The following KIF6 variants were observed in gnomAD, a reference collection of about 807,000 sequenced individuals.
KIF6 encodes kinesin family member 6, also known as kinesin-like protein KIF6.
A neutral mutation model predicts 112.7 loss-of-function variants in KIF6; 106 were observed. That is an observed-to-expected ratio of 0.94 (90% confidence interval 0.80 to 1.11). The LOEUF is 1.11. Among genes scored for constraint, KIF6 ranks in the 50% least tolerant of loss-of-function variants. The probability of loss-of-function intolerance (pLI) is 0.00; values close to 1 mark genes in which losing one functional copy is unlikely to be tolerated. For synonymous variants in KIF6, 339 were observed against 339.9 expected (o/e 1.00, Z 0.03); for missense variants, 929 against 964.0 (o/e 0.96, Z 0.48).
At chr6:39,542,065 C>T (rs1026984813) in intron 12 of KIF6, among the ~76,000 whole-genome samples, 11 of 152,066 alleles carry the variant, frequency 7.2e-5, no homozygotes, top group Non-Finnish European at 1.5e-4. Flanking sequence ...AAATGAGGTC[C>T]GTGGGGGAGG....
At chr6:39,692,837 T>G (rs565577255) in intron 3 of KIF6, among the ~76,000 whole-genome samples, 8 of 152,342 alleles carry the variant, frequency 5.3e-5, no homozygotes, top group Admixed American at 1.3e-4. Context: ...CCTCCATATT[T>G]TTTTTTCATT....
chr6:39,607,455 T>A (rs537945366), intron 6 of KIF6, among the ~76,000 whole-genome samples: 1 of 152,268 alleles, frequency 6.6e-6, no homozygotes, highest in Admixed American at 6.5e-5. Context: ...TGCTCAAAAT[T>A]AAAGTTTCTT....
intron 3 of KIF6, among the ~76,000 whole-genome samples, chr6:39,695,825 T>G (rs1027350145): frequency 6.6e-6 from 1 of 152,148 alleles, no homozygotes; most frequent in African/African-American, 2.4e-5. Flanking sequence ...CAAATCATTC[T>G]ACCAAAAAGA....
At chr6:39,719,035 A>T (rs1790041492) in intron 2 of KIF6, among the ~76,000 whole-genome samples, 1 of 152,048 alleles carries the variant, frequency 6.6e-6, no homozygotes, top group African/African-American at 2.4e-5. Flanking sequence ...TAAAAAGAAA[A>T]AGGCCAGATA....
intron 16 of KIF6, among the ~76,000 whole-genome samples, chr6:39,366,559 G>C (rs963852968): frequency 3.3e-5 from 5 of 152,184 alleles, no homozygotes; most frequent in Non-Finnish European, 7.3e-5. Context: ...TGCCATGCTA[G>C]GTAGGGTGGG....
intron 13 of KIF6, among the ~76,000 whole-genome samples, chr6:39,463,431 T>C (rs1330181706): frequency 6.6e-6 from 1 of 152,218 alleles, no homozygotes; most frequent in African/African-American, 2.4e-5. Context: ...TGTAGGACAT[T>C]TGAATATTTC....
rs116476134 is a variant in KIF6, at chr6:39,338,986, T to C, written c.2429-2438A>G. ...GGGCCTGGGAAGAAATGCTACAGAA[T>C]AGGGGGGAGAGCACGCTCTGCCCCA... is the stretch of plus-strand genomic sequence containing the variant. On this transcript the variant is annotated intron_variant, in intron 22 of 22. Coordinates refer to ENST00000287152, the MANE Select transcript of KIF6 (RefSeq NM_145027.6). 2.2e-3 allele frequency among the ~76,000 whole-genome samples: 336 copies of C among 152,086 alleles called. 2 individuals are homozygous for C. Among genetic ancestry groups the C allele is most frequent in the African/African-American group, 7.7e-3 (318 of 41,502 alleles).
intron 13 of KIF6, among the ~76,000 whole-genome samples, chr6:39,453,925 C>CT (rs1772864527): frequency 6.6e-6 from 1 of 152,198 alleles, no homozygotes; most frequent in African/African-American, 2.4e-5. Context: ...CCCTTACTGA[C>CT]TACTACACTG....
intron 15 of KIF6, among the ~76,000 whole-genome samples, chr6:39,409,182 T>G (rs1769302256): frequency 6.6e-6 from 1 of 152,186 alleles, no homozygotes; most frequent in East Asian, 1.9e-4. Flanking sequence ...CTACGGTCTG[T>G]GCTTAGATAC....
chr6:39,415,162 G>C (rs1274317316), intron 15 of KIF6, among the ~76,000 whole-genome samples: 1 of 152,082 alleles, frequency 6.6e-6, no homozygotes, highest in Non-Finnish European at 1.5e-5. Flanking sequence ...ACTCCAGCCT[G>C]GATGACAGAG....
At chr6:39,591,869 T>C (rs6650993) in intron 7 of KIF6, among the ~76,000 whole-genome samples, 2,151 of 152,164 alleles carry the variant, frequency 0.014, 49 homozygotes, top group African/African-American at 0.049. Context: ...TCCCAGCACT[T>C]TGGGAGGCTG....
In KIF6 at chr6:39,648,018, T is replaced by C. The variant is rs377242267; in HGVS notation, c.252-8261A>G. ...GAGCCACCAAGCCCAGCTAATGTTT[T>C]TTAACTTTCTTTTTTTTTTTTTTGA... On this transcript the variant is annotated intron_variant, in intron 3 of 22. Coordinates refer to ENST00000287152, the MANE Select transcript of KIF6 (RefSeq NM_145027.6). Among the ~76,000 whole-genome samples, 81 of 148,704 alleles carry C rather than the reference T, an allele frequency of 5.4e-4. 1 individual carries two copies. In the South Asian group the frequency reaches 0.012, roughly 22 times the overall value.
intron 10 of KIF6, among the ~76,000 whole-genome samples, chr6:39,557,094 T>C (rs1779744792): frequency 6.6e-6 from 1 of 152,116 alleles, no homozygotes; most frequent in East Asian, 1.9e-4. Context: ...TATATGATTA[T>C]ATACATAGAT....
intron 13 of KIF6, among the ~76,000 whole-genome samples, chr6:39,512,818 T>C (rs1287819846): frequency 6.6e-6 from 1 of 152,134 alleles, no homozygotes; most frequent in Non-Finnish European, 1.5e-5. Flanking sequence ...AATTGACTGA[T>C]TATGAGGATC....
At chr6:39,409,893 C>T (rs1265875764) in intron 15 of KIF6, among the ~76,000 whole-genome samples, 1 of 152,228 alleles carries the variant, frequency 6.6e-6, no homozygotes, top group African/African-American at 2.4e-5. Context: ...TGACAAAACC[C>T]TCTTCCCCAC....
chr6:39,406,806 TGGCACAATCATAGC>T (rs1233529093), intron 15 of KIF6, among the ~76,000 whole-genome samples: 2 of 152,224 alleles, frequency 1.3e-5, no homozygotes, highest in African/African-American at 4.8e-5. Context: ...TGGAATGCAG[TGGCACAATCATAGC>T]TCACTGTAGC....
chr6:39,670,731 G>A (rs1786765717), intron 3 of KIF6, among the ~76,000 whole-genome samples: 2 of 152,112 alleles, frequency 1.3e-5, no homozygotes, highest in Non-Finnish European at 2.9e-5. Flanking sequence ...CTCAAAAAGT[G>A]CTCTAGGTGT....
At chr6:39,681,860 T>C (rs535814029) in intron 3 of KIF6, among the ~76,000 whole-genome samples, 1 of 152,330 alleles carries the variant, frequency 6.6e-6, no homozygotes, top group African/African-American at 2.4e-5. Flanking sequence ...ATTGGCATTA[T>C]GTACAAATCC....
At chr6:39,699,802 A>G (rs1179280913) in intron 3 of KIF6, among the ~76,000 whole-genome samples, 2 of 152,234 alleles carry the variant, frequency 1.3e-5, no homozygotes, top group East Asian at 3.8e-4. Context: ...ATTTTATACA[A>G]TATAAAACAA....
Sources: allele counts gnomAD v4.1 joint callset (sites outside exome capture counted in the v4.1 genomes callset), GRCh38; gene constraint gnomAD v4.1.1; transcripts MANE v1.5; gene names NCBI Gene and HGNC (gene_info 2026-07-23, HGNC 2026-07-21).